Variants in PLXNA4 observed in about 807,000 individuals in gnomAD.
PLXNA4 encodes the protein plexin-A4.
Under a neutral mutation model 191.8 loss-of-function variants are expected in PLXNA4, and 44 were observed. The ratio of observed to expected loss-of-function variants is 0.23; its 90% CI spans 0.18 to 0.29. The LOEUF (loss-of-function observed/expected upper bound fraction) is 0.29. Ranked by LOEUF, PLXNA4 falls within the 10% of genes least tolerant of loss-of-function variation. The pLI is 1.00. For missense variants in PLXNA4, 1,800 were observed against 2,488.8 expected (o/e 0.72, Z 5.89); for synonymous variants, 1,082 against 1,009.5 (o/e 1.07, Z -1.36).
chr7:132,562,918 T>TCCTCCTCCTCTC, intron 1 of PLXNA4, among the ~76,000 whole-genome samples: 3 of 93,286 alleles, frequency 3.2e-5, no homozygotes, highest in African/African-American at 4.7e-5. Context: ...CTCCTCTTCC[T>TCCTCCTCCTCTC]CCTCCTCCTC....
At chr7:132,242,669 C>A (rs1353729482) in intron 4 of PLXNA4, among the ~76,000 whole-genome samples, 2 of 152,154 alleles carry the variant, frequency 1.3e-5, no homozygotes, top group Admixed American at 6.5e-5. Context: ...ACGGCAGTGA[C>A]CTTGACCTTG....
At chr7:132,254,284 T>C (rs1230287857) in intron 4 of PLXNA4, among the ~76,000 whole-genome samples, 1 of 152,208 alleles carries the variant, frequency 6.6e-6, no homozygotes, top group Non-Finnish European at 1.5e-5. Flanking sequence ...TACTTTGAAT[T>C]CTAAGAAAGG....
chr7:132,548,538 G>A (rs998711068), intron 1 of PLXNA4, among the ~76,000 whole-genome samples: 2 of 152,182 alleles, frequency 1.3e-5, no homozygotes, highest in African/African-American at 4.8e-5. Context: ...AATGTGCTCT[G>A]ACCCAAGGTT....
chr7:132,553,082 G>A (rs1414825632), intron 1 of PLXNA4, among the ~76,000 whole-genome samples: 3 of 152,120 alleles, frequency 2.0e-5, no homozygotes, highest in Non-Finnish European at 4.4e-5. Context: ...TCTCTGGGTG[G>A]ACCTCACAGG....
At chr7:132,224,711 G>A (rs1437211257) in intron 8 of PLXNA4, among the ~76,000 whole-genome samples, 3 of 152,212 alleles carry the variant, frequency 2.0e-5, no homozygotes, top group East Asian at 3.9e-4. Flanking sequence ...GGTAAAGACA[G>A]GGACAGCTTT....
chr7:132,434,928 C>T (rs1359239343), intron 3 of PLXNA4, among the ~76,000 whole-genome samples: 2 of 152,220 alleles, frequency 1.3e-5, no homozygotes, highest in Non-Finnish European at 2.9e-5. Flanking sequence ...TCCAGAGGCT[C>T]AACACCTCTT....
At chr7:132,548,480 C>G (rs1056893750) in intron 1 of PLXNA4, among the ~76,000 whole-genome samples, 1 of 152,114 alleles carries the variant, frequency 6.6e-6, no homozygotes, top group African/African-American at 2.4e-5. Context: ...CAGTGAGAGA[C>G]GCTGCCAGGC....
chr7:132,590,903 C>T (rs576766351), intron 2 of PLXNA4, among the ~76,000 whole-genome samples: 33 of 152,076 alleles, frequency 2.2e-4, no homozygotes, highest in African/African-American at 2.2e-4. Flanking sequence ...TAGGTGGCTC[C>T]GGGCTTGGTG....
intron 14 of PLXNA4, among the ~76,000 whole-genome samples, chr7:132,190,936 T>C (rs1797067367): frequency 6.6e-6 from 1 of 152,124 alleles, no homozygotes; most frequent in Admixed American, 6.5e-5. Flanking sequence ...TGGGGTGGGG[T>C]GCAGGGCCTG....
At chr7:132,576,736 G>T, upstream of PLXNA4, 2 of 375,412 alleles carry the variant, frequency 5.3e-6, no homozygotes, top group Non-Finnish European at 7.3e-6. This position sits in a 1 kb window ranked among gnomAD's most constrained non-coding sequence, Gnocchi z 5.8. Context: ...CCTCCACCCA[G>T]CCCCGGAGCC....
At position 132,164,062 on chromosome 7, in the gene PLXNA4, C is replaced by T. The variant is rs546506559; in HGVS notation, c.4500+80G>A. 1.8e-5 allele frequency: 28 copies of T among 1,578,664 alleles called. No individual in the cohort carries two copies. In the East Asian group the frequency reaches 6.2e-4, roughly 35 times the overall value. ...AGAGGCAGCTGTTCAGCCTTTCAGC[C>T]ATCTCCACTGCTGAGCAGGGCTACC... is the stretch of plus-strand genomic sequence containing the variant. On this transcript the variant is annotated intron_variant, in intron 24 of 31. Coordinates refer to ENST00000321063, the MANE Select transcript of PLXNA4 (RefSeq NM_020911.2).
chr7:132,494,979 G>A (rs1228491267), intron 2 of PLXNA4, among the ~76,000 whole-genome samples: 1 of 152,098 alleles, frequency 6.6e-6, no homozygotes, highest in Non-Finnish European at 1.5e-5. Flanking sequence ...ACAGTGGGGG[G>A]ATCTCCCCAA....
chr7:132,454,851 A>C (rs1231284354), intron 3 of PLXNA4, among the ~76,000 whole-genome samples: 1 of 152,120 alleles, frequency 6.6e-6, no homozygotes, highest in Non-Finnish European at 1.5e-5. Context: ...CAGGAGAGCG[A>C]AGGAATAAAT....
chr7:132,179,124 T>C, intron 20 of PLXNA4, among the ~76,000 whole-genome samples: 1 of 62,798 alleles, frequency 1.6e-5, no homozygotes, highest in Admixed American at 1.5e-4. Flanking sequence ...CACATACACG[T>C]GCGTGCTCAC....
chr7:132,310,588 C>T (rs542718422), intron 3 of PLXNA4, among the ~76,000 whole-genome samples: 1 of 152,324 alleles, frequency 6.6e-6, no homozygotes, highest in Non-Finnish European at 1.5e-5. Context: ...TAAGGGCACC[C>T]GCAGCAGCCA....
At chr7:132,229,299 T>C (rs544439460) in intron 5 of PLXNA4, among the ~76,000 whole-genome samples, 6 of 152,352 alleles carry the variant, frequency 3.9e-5, no homozygotes, top group Non-Finnish European at 8.8e-5. Context: ...AAGTGGACCA[T>C]GTCCAGTGTG....
At chr7:132,589,091 G>GA (rs1294769240) in intron 2 of PLXNA4, among the ~76,000 whole-genome samples, 1 of 152,124 alleles carries the variant, frequency 6.6e-6, no homozygotes, top group Non-Finnish European at 1.5e-5. Flanking sequence ...ATCATCCATT[G>GA]AAAAAAACAT....
chr7:132,564,225 C>A (rs959885373), intron 1 of PLXNA4, among the ~76,000 whole-genome samples: 1 of 139,684 alleles, frequency 7.2e-6, no homozygotes, highest in Admixed American at 7.4e-5. Context: ...CCTTTCTCCT[C>A]CTCCTCCTCT....
chr7:132,385,342 T>C (rs1326903414), intron 3 of PLXNA4: 2 of 1,565,444 alleles, frequency 1.3e-6, no homozygotes, highest in Non-Finnish European at 1.7e-6. Context: ...GTGCACAAGA[T>C]ATGCCCATAA....
Sources: gnomAD v4.1 joint callset for allele counts (sites outside exome capture counted in the v4.1 genomes callset) on GRCh38, gnomAD v4.1.1 for gene constraint, Gnocchi (gnomAD v3.1) non-coding constraint, MANE v1.5 for transcripts, NCBI Gene and HGNC (gene_info 2026-07-23, HGNC 2026-07-21) for gene names.